LRSAM1: variants seen among roughly 807,000 people sequenced by gnomAD.
LRSAM1 encodes the protein E3 ubiquitin-protein ligase LRSAM1.
A neutral mutation model predicts 118.1 loss-of-function variants in LRSAM1; 96 were observed. That is an observed-to-expected ratio of 0.81 (90% confidence interval 0.69 to 0.96). The LOEUF (loss-of-function observed/expected upper bound fraction) is 0.96, where lower values mean the gene tolerates loss of function less well. LRSAM1 is among the 40% of genes least tolerant of loss of function. LRSAM1 has a pLI of 0.00. For synonymous variants in LRSAM1, 322 were observed against 364.2 expected (o/e 0.88, Z 1.32); for missense variants, 804 against 915.5 (o/e 0.88, Z 1.57).
chr9:127,463,109 G>A (rs1834810816), intron 9 of LRSAM1, among the ~76,000 whole-genome samples: 1 of 148,936 alleles, frequency 6.7e-6, no homozygotes, highest in Non-Finnish European at 1.5e-5. Flanking sequence ...TGAGACAGGA[G>A]AATTGCTTGA....
Position 127,452,430 on chromosome 9 carries a change from GC to G in LRSAM1, c.-33+351del, listed in dbSNP as rs1834357770. The G allele has an allele frequency of 2.0e-5, 3 of 152,376 alleles. No homozygotes were observed. In the South Asian group the frequency reaches 6.2e-4, roughly 32 times the overall value. The allele number at this position is 152,376 out of a possible 1,614,324, so 9.4% of individuals were successfully genotyped here. On this transcript the variant is annotated intron_variant, in intron 2 of 25. Transcript: ENST00000300417. The stretch of plus-strand genomic sequence containing the variant: ...CCTGGCTGCCTCCCCAGACAGCCCC[GC>G]CCCCGTGGGTGCAGAGCTGCCATCT...
chr9:127,487,796 C>A, intron 18 of LRSAM1, 33 bp downstream of exon 18: 2 of 1,595,454 alleles, frequency 1.3e-6, no homozygotes, highest in Non-Finnish European at 1.7e-6. Context: ...AGGGTGGGAG[C>A]TCAGGAGGGA....
chr9:127,494,851 T>C (rs1362466537), intron 21 of LRSAM1, among the ~76,000 whole-genome samples: 1 of 152,186 alleles, frequency 6.6e-6, no homozygotes, highest in African/African-American at 2.4e-5. Flanking sequence ...CACTCCAGCC[T>C]GGGTGACAGA....
intron 13 of LRSAM1, 43 bp from the exon 14 acceptor site, chr9:127,479,796 T>TA (rs752408952): frequency 1.2e-6 from 2 of 1,604,416 alleles, no homozygotes; most frequent in Admixed American, 3.4e-5. Flanking sequence ...TCACGGCGTC[T>TA]GAGGGGGTCC....
At chr9:127,499,651 C>T (rs142919854) in intron 24 of LRSAM1, among the ~76,000 whole-genome samples, 133 of 152,126 alleles carry the variant, frequency 8.7e-4, no homozygotes, top group African/African-American at 3.1e-3. Context: ...TTAGTTGTGG[C>T]CGGGTGCGGT....
intron 24 of LRSAM1, among the ~76,000 whole-genome samples, chr9:127,497,946 C>G (rs1465882995): frequency 6.6e-6 from 1 of 152,206 alleles, no homozygotes; most frequent in Non-Finnish European, 1.5e-5. Flanking sequence ...GAAACTGAAG[C>G]GCAAAGAGGT....
chr9:127,494,189 G>A (rs570590686), intron 21 of LRSAM1, among the ~76,000 whole-genome samples: 32 of 152,268 alleles, frequency 2.1e-4, no homozygotes, highest in Non-Finnish European at 4.1e-4. Context: ...CGCTGGAAGA[G>A]AGGGGCTGCA....
chr9:127,502,550 G>A (rs1041711293), intron 25 of LRSAM1, among the ~76,000 whole-genome samples: 2 of 152,028 alleles, frequency 1.3e-5, no homozygotes, highest in African/African-American at 4.8e-5. Context: ...AGCCAGGTAT[G>A]GTGGTGCACG....
At chr9:127,479,675 C>T (rs997345618) in intron 13 of LRSAM1, among the ~76,000 whole-genome samples, 164 bp from the exon 14 acceptor site, 35 of 152,154 alleles carry the variant, frequency 2.3e-4, no homozygotes, top group African/African-American at 6.5e-4. Context: ...CCAGCCTCCC[C>T]GTGTGCAGAT....
intron 4 of LRSAM1, among the ~76,000 whole-genome samples, 169 bp downstream of exon 4, chr9:127,455,223 T>C (rs1834472250): frequency 6.6e-6 from 1 of 152,182 alleles, no homozygotes; most frequent in African/African-American, 2.4e-5. Context: ...AGATGATCCT[T>C]TGGCCTCAAT....
At position 127,502,925 on chromosome 9, in the gene LRSAM1, T is replaced by C; in HGVS notation, c.*26T>C. 6.4e-7 allele frequency: 1 copy of C among 1,574,504 alleles called. No individual in the cohort carries two copies. Among genetic ancestry groups the C allele is most frequent in the Non-Finnish European group, 8.6e-7 (1 of 1,161,436 alleles). ...GTGCTGCCCGCCCACCTGGGCCTGG[T>C]CCTAGCCCTGCCTCGGCCACTGTGA... is the stretch of plus-strand genomic sequence containing the variant. On this transcript the variant is annotated 3_prime_UTR_variant, in exon 26 of 26. Transcript: ENST00000300417.
In LRSAM1 at chr9:127,461,242, A is replaced by T. The variant is rs748122042; in HGVS notation, c.391A>T (p.Thr131Ser). The T allele has an allele frequency of 6.2e-7, 1 of 1,611,348 alleles. No individual in the cohort carries two copies. Among genetic ancestry groups the T allele is most frequent in the African/African-American group, 1.3e-5 (1 of 74,742 alleles). The change falls in exon 8 of 26, where the codon ACT becomes TCT. Residue 131 changes from threonine (T) to serine (S), a missense_variant. Thr to Ser is a moderately conservative substitution (Grantham distance 58). Transcript: ENST00000300417. ...RSIGNLTQLQTLNVKDNKLKE... is the reference protein window; with the variant it reads ...RSIGNLTQLQSLNVKDNKLKE... ...CATTGGGAACCTGACCCAGCTCCAG[A>T]CTCTCAATGTTAAAGGTAGGGACCA...
At chr9:127,481,999 TA>T (rs1181304541) in intron 15 of LRSAM1, among the ~76,000 whole-genome samples, 2 of 152,132 alleles carry the variant, frequency 1.3e-5, no homozygotes, top group African/African-American at 4.8e-5. Flanking sequence ...AAAAATTATT[TA>T]GTTACATAAA....
At chr9:127,468,760 G>A (rs1403383690) in intron 10 of LRSAM1, among the ~76,000 whole-genome samples, 2 of 136,284 alleles carry the variant, frequency 1.5e-5, no homozygotes, top group Non-Finnish European at 3.0e-5. Flanking sequence ...AGGATCTCGA[G>A]CCCAGGAGTT....
chr9:127,494,877 AAAAAT>A lies in LRSAM1; in HGVS notation c.1600-433_1600-429del, dbSNP rs558857691. 1.7e-3 allele frequency among the ~76,000 whole-genome samples: 258 copies of A among 152,288 alleles called. 2 individuals are homozygous for A. Among genetic ancestry groups the A allele is most frequent in the African/African-American group, 5.9e-3 (244 of 41,564 alleles). On this transcript the variant is annotated intron_variant, in intron 21 of 25. Transcript: ENST00000300417. ...GGGTGACAGAGCAAGAGTCCATCTC[AAAAAT>A]AAAATAAAAGTACCAAGTGCTGTCC...
chr9:127,492,953 G>T, intron 21 of LRSAM1, 56 bp downstream of exon 21: 1 of 1,471,236 alleles, frequency 6.8e-7, no homozygotes, highest in South Asian at 1.2e-5. Context: ...TTCTTTAACA[G>T]ACTTGCCATT....
At chr9:127,466,493 TATA>T (rs1834935863) in intron 9 of LRSAM1, among the ~76,000 whole-genome samples, 5 of 18,076 alleles carry the variant, frequency 2.8e-4, no homozygotes, top group African/African-American at 4.3e-4. Flanking sequence ...TATATATATA[TATA>T]TATATATATT....
chr9:127,486,746 G>A (rs1426813086), intron 17 of LRSAM1: 1 of 152,248 alleles, frequency 6.6e-6, no homozygotes, highest in Non-Finnish European at 1.5e-5. Flanking sequence ...ATAAATCATA[G>A]TACCTACCTG....
At chr9:127,453,201 C>A (rs1261609798) in intron 2 of LRSAM1, among the ~76,000 whole-genome samples, 1 of 152,192 alleles carries the variant, frequency 6.6e-6, no homozygotes, top group Non-Finnish European at 1.5e-5. Flanking sequence ...CGTTCCTCAG[C>A]CTTCCAAGTG....
Sources: allele counts gnomAD v4.1 joint callset (sites outside exome capture counted in the v4.1 genomes callset), GRCh38; gene constraint gnomAD v4.1.1; transcripts MANE v1.5; gene names NCBI Gene and HGNC (gene_info 2026-07-23, HGNC 2026-07-21).